PDE7A: variants seen among roughly 807,000 people sequenced by gnomAD.
The protein encoded by PDE7A is high affinity 3',5'-cyclic-AMP phosphodiesterase 7A.
In PDE7A, 39 loss-of-function variants were observed where a neutral mutation model predicts 64.3. The ratio of observed to expected loss-of-function variants is 0.61; its 90% CI spans 0.47 to 0.79. The LOEUF (loss-of-function observed/expected upper bound fraction) is 0.79, where lower values mean the gene tolerates loss of function less well. Ranked by LOEUF, PDE7A falls within the 30% of genes least tolerant of loss-of-function variation. PDE7A has a pLI of 0.00. For missense variants in PDE7A, 470 were observed against 582.8 expected (o/e 0.81, Z 1.99); for synonymous variants, 203 against 206.8 (o/e 0.98, Z 0.16).
chr8:65,776,320 G>A (rs192914168), intron 3 of PDE7A, among the ~76,000 whole-genome samples: 2 of 152,134 alleles, frequency 1.3e-5, no homozygotes, highest in African/African-American at 4.8e-5. Flanking sequence ...TCTATTGTCA[G>A]TCCTTGAATT....
At chr8:65,798,423 T>G (rs1359077495) in intron 1 of PDE7A, among the ~76,000 whole-genome samples, 1 of 151,966 alleles carries the variant, frequency 6.6e-6, no homozygotes, top group Non-Finnish European at 1.5e-5. Context: ...TTGGCCAGGC[T>G]GGTCTCGAAC....
chr8:65,832,016 A>G (rs1386979360), intron 1 of PDE7A, among the ~76,000 whole-genome samples: 2 of 152,222 alleles, frequency 1.3e-5, no homozygotes, highest in Admixed American at 1.3e-4. Flanking sequence ...TTTGGCACGC[A>G]TGCATGGTAT....
At chr8:65,766,326 A>C (rs1808782477) in intron 3 of PDE7A, among the ~76,000 whole-genome samples, 1 of 152,272 alleles carries the variant, frequency 6.6e-6, no homozygotes. Flanking sequence ...TCTTATTTCA[A>C]GAGACCAAGT....
At chr8:65,729,489 A>G (rs1483587916) in intron 7 of PDE7A, among the ~76,000 whole-genome samples, 1 of 149,626 alleles carries the variant, frequency 6.7e-6, no homozygotes, top group African/African-American at 2.5e-5. Flanking sequence ...ACTATCATGG[A>G]GGAGAGCAGT....
intron 1 of PDE7A, among the ~76,000 whole-genome samples, chr8:65,812,519 G>A (rs903071562): frequency 6.6e-6 from 1 of 151,956 alleles, no homozygotes; most frequent in Non-Finnish European, 1.5e-5. Context: ...GTAGTAAGGA[G>A]AATATTCTAA....
rs562155817 is a variant in PDE7A, at chr8:65,752,202, A to G, written c.284-4399T>C. 2.6e-5 allele frequency among the ~76,000 whole-genome samples: 4 copies of G among 152,028 alleles called. No individual in the cohort carries two copies. The South Asian group carries it at 8.3e-4, about 32-fold the overall frequency. On this transcript the variant is annotated intron_variant, in intron 3 of 12. Coordinates refer to ENST00000401827, the MANE Select transcript of PDE7A (RefSeq NM_001242318.3). ...CCAGTATTGTTAGTTACCAGAGCAT[A>G]TTTTTTTCCTTTCACTCTTATCTCT...
intron 9 of PDE7A, 103 bp downstream of exon 9, chr8:65,726,770 CTG>C: frequency 1.6e-6 from 1 of 611,934 alleles, no homozygotes; most frequent in Non-Finnish European, 2.9e-6. Flanking sequence ...ACACTGAAAA[CTG>C]TGGAACACCT....
intron 1 of PDE7A, among the ~76,000 whole-genome samples, chr8:65,783,945 T>C (rs954117100): frequency 6.6e-6 from 1 of 152,152 alleles, no homozygotes; most frequent in Non-Finnish European, 1.5e-5. Context: ...TTTCAGTCAC[T>C]GCTATATTCC....
chr8:65,747,259 G>C (rs1807715444), intron 4 of PDE7A, among the ~76,000 whole-genome samples: 1 of 152,118 alleles, frequency 6.6e-6, no homozygotes, highest in African/African-American at 2.4e-5. Flanking sequence ...TAACCAGCTG[G>C]GTGGGCGCAA....
At chr8:65,788,823 C>T (rs1193709031) in intron 1 of PDE7A, 10 of 1,168,188 alleles carry the variant, frequency 8.6e-6, no homozygotes, top group Non-Finnish European at 1.3e-6. Context: ...CTATTTAATT[C>T]CTATCAAATA....
In PDE7A at chr8:65,739,605, G is replaced by A; in HGVS notation, c.500-8C>T. ...AGCTTACTAGACTATTTCCTAAAAA[G>A]AAAGAAGAGACATTACATTAGTAGG... On this transcript the variant is annotated splice_polypyrimidine_tract_variant and splice_region_variant and intron_variant, in intron 5 of 12. Coordinates refer to ENST00000401827, the MANE Select transcript of PDE7A (RefSeq NM_001242318.3). 1.3e-6 allele frequency: 2 copies of A among 1,507,026 alleles called. No homozygotes were observed. Among genetic ancestry groups the A allele is most frequent in the East Asian group, 2.5e-5 (1 of 40,186 alleles). The allele number at this position is 1,507,026 out of a possible 1,614,324, so 93.4% of individuals were successfully genotyped here.
chr8:65,719,474 T>C lies in PDE7A; in HGVS notation c.1265A>G (p.Glu422Gly). 2 of 1,613,092 alleles carry C rather than the reference T, an allele frequency of 1.2e-6. No individual in the cohort carries two copies. The highest frequency in any genetic ancestry group is 1.7e-6 in the Non-Finnish European group (2 of 1,179,042). Residue 422 changes from glutamate (E) to glycine (G), a missense_variant, in exon 13 of 13, where the codon GAG (glutamate) becomes GGG (glycine). By Grantham distance (98) the Glu-to-Gly change is moderately conservative. Coordinates refer to ENST00000401827, the MANE Select transcript of PDE7A (RefSeq NM_001242318.3). Reference sequence around the variant, plus strand: ...CCTGGCCCATTCTGTAAATAAAGGCTCCACTAGGTAAGTCATAAAACCTTG... The same window carrying C: ...CCTGGCCCATTCTGTAAATAAAGGCCCCACTAGGTAAGTCATAAAACCTTG... ...IQIGFMTYLV[E>G]PLFTEWARFS... is the part of the protein sequence containing the mutation.
chr8:65,812,852 A>G (rs1048480899), intron 1 of PDE7A, among the ~76,000 whole-genome samples: 6 of 152,376 alleles, frequency 3.9e-5, no homozygotes, highest in African/African-American at 1.4e-4. Flanking sequence ...CGAAAGACTG[A>G]TAACACCTCA....
intron 2 of PDE7A, among the ~76,000 whole-genome samples, chr8:65,780,061 G>C (rs940648144): frequency 6.6e-6 from 1 of 151,458 alleles, no homozygotes; most frequent in Non-Finnish European, 1.5e-5. Context: ...TAATAAGTTA[G>C]CCTTCTGAAA....
intron 1 of PDE7A, among the ~76,000 whole-genome samples, chr8:65,814,573 A>C (rs199709889): frequency 7.6e-6 from 1 of 131,508 alleles, no homozygotes; most frequent in African/African-American, 2.5e-5. Flanking sequence ...ACGTACACAT[A>C]TAATACATAC....
intron 2 of PDE7A, 146 bp downstream of exon 2, chr8:65,782,637 T>G: frequency 3.5e-6 from 2 of 568,968 alleles, no homozygotes; most frequent in East Asian, 6.1e-5. Flanking sequence ...CATTCAATAT[T>G]GGTTTCCAGA....
chr8:65,768,198 G>A (rs1485217518), intron 3 of PDE7A, among the ~76,000 whole-genome samples: 1 of 152,196 alleles, frequency 6.6e-6, no homozygotes, highest in Non-Finnish European at 1.5e-5. Flanking sequence ...TTCCTACACA[G>A]TGAGCATCCA....
chr8:65,828,167 A>G (rs914040072), intron 1 of PDE7A, among the ~76,000 whole-genome samples: 2 of 152,160 alleles, frequency 1.3e-5, no homozygotes, highest in Non-Finnish European at 2.9e-5. Flanking sequence ...AAAAATCAGA[A>G]AAGTAGGAAG....
intron 3 of PDE7A, among the ~76,000 whole-genome samples, chr8:65,755,188 T>A (rs1291135206): frequency 6.6e-6 from 1 of 151,608 alleles, no homozygotes; most frequent in Non-Finnish European, 1.5e-5. Flanking sequence ...GCCCGGCTAA[T>A]TTTTATATCT....
Sources: allele counts gnomAD v4.1 joint callset (sites outside exome capture counted in the v4.1 genomes callset), GRCh38; gene constraint gnomAD v4.1.1; transcripts MANE v1.5; gene names NCBI Gene and HGNC (gene_info 2026-07-23, HGNC 2026-07-21).